Variants in VEGFC observed in about 807,000 individuals in gnomAD.
VEGFC encodes the protein vascular endothelial growth factor C, also known as FLT4 ligand DHM.
In VEGFC, 12 loss-of-function variants were observed where a neutral mutation model predicts 46.1. The ratio of observed to expected loss-of-function variants is 0.26; its 90% confidence interval spans 0.17 to 0.42. The LOEUF is 0.42. Among genes scored for constraint, VEGFC ranks in the 10% least tolerant of loss-of-function variants. The pLI, the probability that VEGFC is intolerant of heterozygous loss-of-function variation, is 1.00. For synonymous variants in VEGFC, 232 were observed against 195.5 expected (o/e 1.19, Z -1.56); for missense variants, 488 against 529.4 (o/e 0.92, Z 0.77).
intron 1 of VEGFC, 63 bp from the exon 2 acceptor site, chr4:176,729,809 T>A: frequency 7.3e-7 from 1 of 1,362,536 alleles, no homozygotes; most frequent in Non-Finnish European, 9.8e-7. Flanking sequence ...ACAAATGCAC[T>A]ATAAAACGGT....
chr4:176,755,729 T>G (rs2110901761), intron 1 of VEGFC, among the ~76,000 whole-genome samples: 1 of 152,192 alleles, frequency 6.6e-6, no homozygotes, highest in African/African-American at 2.4e-5. Context: ...ATACACATAT[T>G]TGTATTCATA....
chr4:176,692,521 A>C (rs1734215606), intron 4 of VEGFC, among the ~76,000 whole-genome samples: 1 of 134,488 alleles, frequency 7.4e-6, no homozygotes, highest in Non-Finnish European at 1.5e-5. Context: ...GTCTGAGATC[A>C]AACTGCAAGG....
chr4:176,762,345 T>C (rs894283494), intron 1 of VEGFC, among the ~76,000 whole-genome samples: 6 of 152,168 alleles, frequency 3.9e-5, no homozygotes, highest in African/African-American at 1.2e-4. Context: ...TCATGTATCA[T>C]GGGTTCTATC....
intron 1 of VEGFC, among the ~76,000 whole-genome samples, chr4:176,768,090 A>C (rs760015766): frequency 2.0e-5 from 3 of 152,192 alleles, no homozygotes; most frequent in Non-Finnish European, 2.9e-5. Context: ...GGAAGGCTAT[A>C]GGTAGAGCTA....
chr4:176,763,535 T>C (rs956804574), intron 1 of VEGFC, among the ~76,000 whole-genome samples: 3 of 152,242 alleles, frequency 2.0e-5, no homozygotes, highest in South Asian at 2.1e-4. Flanking sequence ...ATGGGACTGG[T>C]AGTATTTTAT....
chr4:176,722,304 A>C (rs976458001), intron 3 of VEGFC, among the ~76,000 whole-genome samples: 4 of 152,054 alleles, frequency 2.6e-5, no homozygotes, highest in African/African-American at 9.7e-5. Context: ...CAAAGCTGGG[A>C]GGTGAAAGAG....
chr4:176,687,683 G>A (rs1022080667), intron 5 of VEGFC, 138 bp downstream of exon 5: 20 of 940,020 alleles, frequency 2.1e-5, no homozygotes, highest in African/African-American at 1.7e-4. Flanking sequence ...TAATACCAAC[G>A]TGAAGTAGAA....
chr4:176,692,577 A>G (rs879652010), intron 4 of VEGFC, among the ~76,000 whole-genome samples: 2 of 132,756 alleles, frequency 1.5e-5, no homozygotes, highest in Non-Finnish European at 3.1e-5. Flanking sequence ...CCCAGGCTTG[A>G]TTAGGTAAAC....
chr4:176,695,935 C>G (rs556335672), intron 4 of VEGFC, among the ~76,000 whole-genome samples: 3 of 149,342 alleles, frequency 2.0e-5, no homozygotes, highest in African/African-American at 7.5e-5. Flanking sequence ...ATTCAACAAC[C>G]CTTCATGCTA....
intron 1 of VEGFC, among the ~76,000 whole-genome samples, chr4:176,780,388 A>AAAAAAAAAAC (rs1553997821): frequency 4.6e-5 from 1 of 21,844 alleles, no homozygotes; most frequent in African/African-American, 1.2e-4. Context: ...TCTCAAAAAA[A>AAAAAAAAAAC]AAAAAAAAAA....
chr4:176,755,899 C>T (rs987383557), intron 1 of VEGFC, among the ~76,000 whole-genome samples: 21 of 152,012 alleles, frequency 1.4e-4, no homozygotes, highest in African/African-American at 3.4e-4. Context: ...GCATTGTCAA[C>T]GCATTACAGT....
chr4:176,689,822 G>C (rs778421624), intron 4 of VEGFC, among the ~76,000 whole-genome samples: 45 of 152,100 alleles, frequency 3.0e-4, no homozygotes, highest in Non-Finnish European at 5.7e-4. Context: ...CTGTATGTTA[G>C]CAACATCAAT....
rs3062984 is a variant in VEGFC at position 176,683,930 on chromosome 4, C to CTCA, written c.1253_1255dup (p.Met418dup). ...GAACTGGAAAACAGTACAATCTTAG[C>CTCA]TCATTTGTGGTCTTTTCCAATATGA... On this transcript the variant is annotated inframe_insertion, in exon 7 of 7. Coordinates refer to ENST00000618562, the MANE Select transcript of VEGFC (RefSeq NM_005429.5). 6.6e-4 allele frequency: 1,066 copies of CTCA among 1,610,808 alleles called. 7 individuals carry two copies. In the African/African-American group the frequency reaches 0.013, roughly 20 times the overall value.
chr4:176,697,469 C>A (rs1301597814), intron 4 of VEGFC, among the ~76,000 whole-genome samples: 6 of 152,070 alleles, frequency 3.9e-5, no homozygotes, highest in African/African-American at 9.7e-5. Flanking sequence ...GGCAATCATT[C>A]AAAAGTCAGG....
At chr4:176,767,209 G>C (rs1735643459) in intron 1 of VEGFC, among the ~76,000 whole-genome samples, 1 of 150,016 alleles carries the variant, frequency 6.7e-6, no homozygotes, top group African/African-American at 2.5e-5. Context: ...TATCCAAATG[G>C]GCAACAAGCT....
intron 1 of VEGFC, among the ~76,000 whole-genome samples, chr4:176,769,266 G>T (rs568740228): frequency 6.6e-6 from 1 of 152,176 alleles, no homozygotes; most frequent in South Asian, 2.1e-4. Flanking sequence ...AAGACACTTT[G>T]TTATAGCAGG....
chr4:176,739,591 G>T (rs1422483068), intron 1 of VEGFC, among the ~76,000 whole-genome samples: 1 of 151,830 alleles, frequency 6.6e-6, no homozygotes, highest in African/African-American at 2.4e-5. Context: ...GGGGCCTGTT[G>T]TGGGGGGAGC....
chr4:176,697,950 A>C lies in VEGFC; in HGVS notation c.705-10023T>G, dbSNP rs1230985480. Among the ~76,000 whole-genome samples, 11 of 151,676 alleles carry C rather than the reference A, an allele frequency of 7.3e-5. No individual in the cohort carries two copies. The East Asian group carries it at 2.0e-3, about 27-fold the overall frequency. The stretch of plus-strand genomic sequence containing the variant: ...AATTGAACAATGAGATCACATGGAC[A>C]CAGGAAGGGGAACATCACACTCTGG... On this transcript the variant is annotated intron_variant, in intron 4 of 6. Transcript: ENST00000618562.
chr4:176,698,794 G>C (rs1440593179), intron 4 of VEGFC, among the ~76,000 whole-genome samples: 1 of 151,878 alleles, frequency 6.6e-6, no homozygotes, highest in Non-Finnish European at 1.5e-5. Context: ...CCATATATAA[G>C]GGAGATCAGT....
Sources: allele counts gnomAD v4.1 joint callset (sites outside exome capture counted in the v4.1 genomes callset), GRCh38; gene constraint gnomAD v4.1.1; transcripts MANE v1.5; gene names NCBI Gene and HGNC (gene_info 2026-07-23, HGNC 2026-07-21).